Variants in PRKCA observed in about 807,000 individuals in gnomAD.
The protein encoded by PRKCA is protein kinase C alpha, also known as protein kinase C alpha type.
A neutral mutation model predicts 87.0 loss-of-function variants in PRKCA; 27 were observed. The observed-to-expected ratio is 0.31, with a 90% CI of 0.23 to 0.43. The LOEUF is 0.43. PRKCA is among the 20% of genes least tolerant of loss of function. The pLI is 1.00. For synonymous variants in PRKCA, 329 were observed against 311.1 expected (o/e 1.06, Z -0.61); for missense variants, 518 against 852.3 (o/e 0.61, Z 4.88).
intron 3 of PRKCA, among the ~76,000 whole-genome samples, chr17:66,632,213 G>A (rs1971035849): frequency 6.6e-6 from 1 of 152,128 alleles, no homozygotes; most frequent in Admixed American, 6.5e-5. Flanking sequence ...ATAATGTATG[G>A]ATTTATTTTT....
At chr17:66,631,733 T>G (rs1435035873) in intron 3 of PRKCA, among the ~76,000 whole-genome samples, 1 of 152,248 alleles carries the variant, frequency 6.6e-6, no homozygotes, top group Non-Finnish European at 1.5e-5. Flanking sequence ...GATAAATGTC[T>G]GAGGGGATGG....
chr17:66,739,907 A>T (rs1471905203), intron 11 of PRKCA, among the ~76,000 whole-genome samples: 1 of 152,122 alleles, frequency 6.6e-6, no homozygotes, highest in Non-Finnish European at 1.5e-5. Flanking sequence ...TGGGGGAAGA[A>T]GGAAGCATGA....
intron 2 of PRKCA, among the ~76,000 whole-genome samples, chr17:66,414,797 T>C (rs4790911): frequency 0.86 from 130,484 of 152,076 alleles, 56,572 homozygotes; most frequent in South Asian, 0.97. Context: ...TGGTTTGATA[T>C]CTTGTGGTCT....
chr17:66,532,991 G>A (rs952835132), intron 3 of PRKCA, among the ~76,000 whole-genome samples: 5 of 152,126 alleles, frequency 3.3e-5, no homozygotes, highest in African/African-American at 1.2e-4. Context: ...GGGAACCCAC[G>A]GCTGGAAAAT....
intron 13 of PRKCA, among the ~76,000 whole-genome samples, chr17:66,768,838 T>C (rs1039739683): frequency 1.3e-5 from 2 of 152,230 alleles, no homozygotes; most frequent in South Asian, 4.1e-4. Flanking sequence ...GGACACGATA[T>C]GGTTTATGGA....
chr17:66,806,938 A>G lies in PRKCA; in HGVS notation c.*2901A>G, dbSNP rs1316998057. 6.6e-6 allele frequency: 1 copy of G among 152,262 alleles called. No homozygotes were observed. Among genetic ancestry groups the G allele is most frequent in the African/African-American group, 2.4e-5 (1 of 41,466 alleles). 9.4% of individuals were successfully genotyped at this position (152,262 alleles called of 1,614,324 possible). On this transcript the variant is annotated 3_prime_UTR_variant, in exon 17 of 17. Transcript: ENST00000413366. ...TGCTTTATCCATTGCTGAGTGTTGA[A>G]TGTGGGTAATGGTTAGGGCTTTCCA... is the stretch of plus-strand genomic sequence containing the variant.
intron 3 of PRKCA, among the ~76,000 whole-genome samples, chr17:66,591,611 A>T (rs1442408765): frequency 6.6e-6 from 1 of 152,186 alleles, no homozygotes; most frequent in African/African-American, 2.4e-5. Context: ...TCTTCCCAGT[A>T]AAAGTGCCCC....
chr17:66,629,416 G>A (rs569787418), intron 3 of PRKCA, among the ~76,000 whole-genome samples: 3 of 152,130 alleles, frequency 2.0e-5, no homozygotes, highest in Non-Finnish European at 4.4e-5. Flanking sequence ...AGCAGACAGG[G>A]TACCTCACAC....
chr17:66,550,980 A>G (rs1301201184), intron 3 of PRKCA, among the ~76,000 whole-genome samples: 1 of 152,226 alleles, frequency 6.6e-6, no homozygotes, highest in African/African-American at 2.4e-5. Flanking sequence ...GGGCGTTTAC[A>G]TCAATTTTGT....
In PRKCA at chr17:66,713,049, CTTTTTTTTTT is replaced by C. The variant is rs564655403; in HGVS notation, c.919-19628_919-19619del. On this transcript the variant is annotated intron_variant, in intron 8 of 16. Transcript: ENST00000413366. ...AAGTTAAAGTGAACCCTTTGTTGTC[CTTTTTTTTTT>C]TTTTTTTTTTGAGATGGAGTCTCAC... Among the ~76,000 whole-genome samples the C allele has an allele frequency of 6.6e-3, 694 of 104,420 alleles. 9 individuals are homozygous for C. Among genetic ancestry groups the C allele is most frequent in the African/African-American group, 0.025 (665 of 26,150 alleles). The allele number at this position is 104,420 out of a possible 152,430, so 68.5% of individuals were successfully genotyped here. A position where few individuals can be genotyped will look rare whatever the true frequency, so the allele number is the denominator to read the frequency against.
At chr17:66,656,055 C>A (rs905967103) in intron 5 of PRKCA, among the ~76,000 whole-genome samples, 1 of 152,118 alleles carries the variant, frequency 6.6e-6, no homozygotes, top group South Asian at 2.1e-4. Flanking sequence ...GTTCTCTGTG[C>A]GGGGACTCCA....
At chr17:66,695,992 C>T (rs1191717906) in intron 8 of PRKCA, among the ~76,000 whole-genome samples, 1 of 152,096 alleles carries the variant, frequency 6.6e-6, no homozygotes, top group African/African-American at 2.4e-5. Flanking sequence ...AAATTTATAG[C>T]CAAGTGTGAA....
Position 66,452,655 on chromosome 17 carries a change from G to A in PRKCA, c.206-43546G>A, listed in dbSNP as rs1914382138. On this transcript the variant is annotated intron_variant, in intron 2 of 16. Coordinates refer to ENST00000413366, the MANE Select transcript of PRKCA (RefSeq NM_002737.3). The stretch of plus-strand genomic sequence containing the variant: ...CAACATCCAAGAAACCCACCAGTGG[G>A]TTCCAGAACTTCCTTTCTACAGTGA... 2.0e-5 allele frequency among the ~76,000 whole-genome samples: 3 copies of A among 152,154 alleles called. 1 individual carries two copies. Among genetic ancestry groups the A allele is most frequent in the Non-Finnish European group, 2.9e-5 (2 of 68,030 alleles).
intron 3 of PRKCA, among the ~76,000 whole-genome samples, chr17:66,627,556 C>A (rs1191630862): frequency 6.6e-6 from 1 of 152,178 alleles, no homozygotes; most frequent in Admixed American, 6.5e-5. Context: ...CGTGGAAGGG[C>A]AGGTGCTAAC....
At chr17:66,733,321 A>G (rs58938076) in intron 9 of PRKCA, among the ~76,000 whole-genome samples, 5,211 of 152,244 alleles carry the variant, frequency 0.034, 321 homozygotes, top group African/African-American at 0.12. Flanking sequence ...GAGAAAGGGC[A>G]GGTTGGGTTT....
chr17:66,750,165 A>G (rs972821199), intron 13 of PRKCA, among the ~76,000 whole-genome samples: 1 of 151,990 alleles, frequency 6.6e-6, no homozygotes, highest in African/African-American at 2.4e-5. Context: ...AGAAAAGCCA[A>G]TCAGCACCAG....
intron 4 of PRKCA, among the ~76,000 whole-genome samples, chr17:66,644,688 C>T (rs1971404938): frequency 1.3e-5 from 2 of 152,014 alleles, no homozygotes; most frequent in Admixed American, 6.6e-5. Context: ...GAGAAAAACA[C>T]AGGCAATGTA....
At chr17:66,338,434 G>A (rs1906840124) in intron 2 of PRKCA, among the ~76,000 whole-genome samples, 1 of 152,136 alleles carries the variant, frequency 6.6e-6, no homozygotes, top group Admixed American at 6.6e-5. Context: ...TCTGTTGAGA[G>A]AGGGGGATGA....
chr17:66,769,190 T>TA (rs1450125778), intron 13 of PRKCA, among the ~76,000 whole-genome samples: 2 of 151,922 alleles, frequency 1.3e-5, no homozygotes, highest in African/African-American at 4.8e-5. Flanking sequence ...ATCCTGTCTC[T>TA]AAAAAAATTG....
Sources: gnomAD v4.1 joint callset for allele counts (sites outside exome capture counted in the v4.1 genomes callset) on GRCh38, gnomAD v4.1.1 for gene constraint, MANE v1.5 for transcripts, NCBI Gene and HGNC (gene_info 2026-07-23, HGNC 2026-07-21) for gene names.